The following SUSD4 variants were observed in gnomAD, a reference collection of about 807,000 sequenced individuals.
SUSD4 encodes the protein sushi domain-containing protein 4.
In SUSD4, 41 loss-of-function variants were observed where a neutral mutation model predicts 50.5. The ratio of observed to expected loss-of-function variants is 0.81; its 90% confidence interval spans 0.63 to 1.05. The LOEUF (loss-of-function observed/expected upper bound fraction) is 1.05, where lower values mean the gene tolerates loss of function less well. Among genes scored for constraint, SUSD4 ranks in the 50% least tolerant of loss-of-function variants. The pLI is 0.00. For synonymous variants in SUSD4, 257 were observed against 257.3 expected, an observed-to-expected ratio of 1.00 and a Z score of 0.01; for missense variants, 580 against 634.7, an observed-to-expected ratio of 0.91 and a Z score of 0.93.
intron 3 of SUSD4, among the ~76,000 whole-genome samples, chr1:223,275,203 C>A (rs897157355): frequency 6.6e-6 from 1 of 152,066 alleles, no homozygotes; most frequent in African/African-American, 2.4e-5. Flanking sequence ...TGCTGAAATT[C>A]TCAAAAGCAT....
At chr1:223,271,668 A>G (rs967928710) in intron 3 of SUSD4, among the ~76,000 whole-genome samples, 2 of 152,226 alleles carry the variant, frequency 1.3e-5, no homozygotes, top group Admixed American at 6.5e-5. Context: ...CAGAGAAAAC[A>G]TTAACCAGAG....
At chr1:223,226,680 T>C (rs553508373) in intron 7 of SUSD4, among the ~76,000 whole-genome samples, 1 of 152,322 alleles carries the variant, frequency 6.6e-6, no homozygotes, top group South Asian at 2.1e-4. Flanking sequence ...CATATGACTC[T>C]GGGGACTAGG....
chr1:223,354,503 A>G (rs1668548780), intron 2 of SUSD4, among the ~76,000 whole-genome samples: 2 of 152,236 alleles, frequency 1.3e-5, no homozygotes, highest in African/African-American at 4.8e-5. Flanking sequence ...AATCAGAGGA[A>G]CTGTACATTT....
chr1:223,341,649 C>G (rs1667766940), intron 2 of SUSD4, among the ~76,000 whole-genome samples: 1 of 152,180 alleles, frequency 6.6e-6, no homozygotes, highest in Non-Finnish European at 1.5e-5. Context: ...AACGGAGGGA[C>G]AATCAGCATG....
intron 3 of SUSD4, among the ~76,000 whole-genome samples, chr1:223,279,852 C>T (rs1663566739): frequency 6.6e-6 from 1 of 152,174 alleles, no homozygotes; most frequent in African/African-American, 2.4e-5. Context: ...GGTTAGGTTA[C>T]CCACAAAGGG....
intron 5 of SUSD4, among the ~76,000 whole-genome samples, chr1:223,235,867 T>C (rs1296514169): frequency 6.6e-6 from 1 of 152,230 alleles, no homozygotes; most frequent in African/African-American, 2.4e-5. Context: ...TTCAGTTTCT[T>C]TGGGTAAATA....
chr1:223,257,449 C>T (rs992634752), intron 5 of SUSD4, among the ~76,000 whole-genome samples: 3 of 152,176 alleles, frequency 2.0e-5, no homozygotes, highest in Admixed American at 2.0e-4. Flanking sequence ...GTGCCAGAGC[C>T]CAGGGTGGAT....
intron 5 of SUSD4, chr1:223,264,206 C>A: frequency 1.0e-6 from 1 of 985,358 alleles, no homozygotes; most frequent in Non-Finnish European, 1.2e-6. Context: ...GGTGTGCTTG[C>A]AGCAAAACAT....
chr1:223,270,789 G>A (rs936930152), intron 3 of SUSD4, among the ~76,000 whole-genome samples: 4 of 152,086 alleles, frequency 2.6e-5, no homozygotes, highest in Non-Finnish European at 5.9e-5. Context: ...GGATGTTCTC[G>A]AACTCCTGAC....
intron 2 of SUSD4, 90 bp from the exon 3 acceptor site, chr1:223,292,741 G>T: frequency 7.3e-7 from 1 of 1,373,342 alleles, no homozygotes; most frequent in Non-Finnish European, 1.0e-6. Context: ...CCTGCATGAT[G>T]TCATACGCCT....
At chr1:223,255,798 T>A (rs1411898740) in intron 5 of SUSD4, among the ~76,000 whole-genome samples, 1 of 152,222 alleles carries the variant, frequency 6.6e-6, no homozygotes, top group Non-Finnish European at 1.5e-5. Flanking sequence ...GCCGATTAAA[T>A]TTTATGCTGG....
intron 2 of SUSD4, among the ~76,000 whole-genome samples, chr1:223,319,725 G>A (rs938870109): frequency 3.3e-5 from 5 of 152,178 alleles, no homozygotes; most frequent in African/African-American, 9.7e-5. Flanking sequence ...GTTTCTTCTT[G>A]CTGAATTTTA....
intron 2 of SUSD4, among the ~76,000 whole-genome samples, chr1:223,298,726 G>A (rs1572006848): frequency 6.6e-6 from 1 of 152,048 alleles, no homozygotes; most frequent in African/African-American, 2.4e-5. Flanking sequence ...AATGACTCCT[G>A]CACTGATAAA....
intron 2 of SUSD4, among the ~76,000 whole-genome samples, chr1:223,303,699 G>A: frequency 6.6e-6 from 1 of 152,150 alleles, no homozygotes; most frequent in East Asian, 1.9e-4. Context: ...CCAATGTACT[G>A]GATATGCCAG....
intron 5 of SUSD4, among the ~76,000 whole-genome samples, chr1:223,250,837 G>A (rs758922838): frequency 1.6e-4 from 24 of 152,192 alleles, no homozygotes; most frequent in Admixed American, 3.3e-4. Flanking sequence ...GCTCAGGAAG[G>A]GGCTGTGGGC....
chr1:223,312,699 T>C (rs565617823), intron 2 of SUSD4, among the ~76,000 whole-genome samples: 2 of 152,296 alleles, frequency 1.3e-5, no homozygotes, highest in East Asian at 3.9e-4. Flanking sequence ...GGGTAGCAGA[T>C]TTGACTGCAA....
chr1:223,362,337 G>C (rs1188145991), intron 2 of SUSD4, among the ~76,000 whole-genome samples: 3 of 152,116 alleles, frequency 2.0e-5, no homozygotes, highest in African/African-American at 7.2e-5. Context: ...GTCAATACTT[G>C]CTTTTCAACC....
intron 2 of SUSD4, among the ~76,000 whole-genome samples, chr1:223,306,962 T>G (rs113951893): frequency 2.6e-3 from 389 of 149,194 alleles, no homozygotes; most frequent in Middle Eastern, 0.014. Context: ...TTTTTTTTTT[T>G]GGGGGGGGGT....
intron 2 of SUSD4, among the ~76,000 whole-genome samples, chr1:223,323,874 A>T (rs1666728223): frequency 6.6e-6 from 1 of 152,122 alleles, no homozygotes; most frequent in Non-Finnish European, 1.5e-5. Context: ...AGAAGCAGAA[A>T]CAACCCAGAT....
Sources: allele counts gnomAD v4.1 joint callset (sites outside exome capture counted in the v4.1 genomes callset), GRCh38; gene constraint gnomAD v4.1.1; transcripts MANE v1.5; gene names NCBI Gene and HGNC (gene_info 2026-07-23, HGNC 2026-07-21).